Variants in NLK observed in about 807,000 individuals in gnomAD.
NLK encodes nemo like kinase.
A neutral mutation model predicts 59.0 loss-of-function variants in NLK; 11 were observed. The ratio of observed to expected loss-of-function variants is 0.19; its 90% CI spans 0.12 to 0.31. NLK has a LOEUF of 0.31. Among genes scored for constraint, NLK ranks in the 10% least tolerant of loss-of-function variants. The probability of loss-of-function intolerance (pLI) is 1.00; values close to 1 mark genes in which losing one functional copy is unlikely to be tolerated. For synonymous variants in NLK, 235 were observed against 235.9 expected, an observed-to-expected ratio of 1.00 and a Z score of 0.03; for missense variants, 410 against 661.1, an observed-to-expected ratio of 0.62 and a Z score of 4.16.
chr17:28,057,355 A>T (rs1434153736), intron 1 of NLK, among the ~76,000 whole-genome samples: 1 of 152,248 alleles, frequency 6.6e-6, no homozygotes, highest in East Asian at 1.9e-4. Context: ...TCACTGCATC[A>T]ACTCACTGTT....
chr17:28,203,388 A>C, the NLK span, among the ~76,000 whole-genome samples: 1 of 152,098 alleles, frequency 6.6e-6, no homozygotes. Context: ...TAATGCTACC[A>C]TCACCACTGT....
intron 3 of NLK, among the ~76,000 whole-genome samples, chr17:28,153,914 G>A (rs1237554178): frequency 6.6e-6 from 1 of 152,138 alleles, no homozygotes; most frequent in East Asian, 1.9e-4. Flanking sequence ...TGTCACCCTA[G>A]TAGAAAATTG....
chr17:28,089,783 T>C (rs1440187540), intron 1 of NLK, among the ~76,000 whole-genome samples: 3 of 152,198 alleles, frequency 2.0e-5, no homozygotes, highest in East Asian at 3.8e-4. Flanking sequence ...GTGTTACTTG[T>C]GGTTATAATT....
At chr17:28,193,792 AT>A (rs1434018372) in intron 10 of NLK, among the ~76,000 whole-genome samples, 9 of 151,978 alleles carry the variant, frequency 5.9e-5, no homozygotes, top group African/African-American at 2.2e-4. Context: ...TCTTCCATGT[AT>A]TTTTCTATTG....
At chr17:28,170,820 T>C (rs1002612747) in intron 6 of NLK, among the ~76,000 whole-genome samples, 6 of 152,204 alleles carry the variant, frequency 3.9e-5, no homozygotes, top group Non-Finnish European at 8.8e-5. Context: ...AGTTCAGATA[T>C]CCCTTTGCTA....
intron 2 of NLK, among the ~76,000 whole-genome samples, chr17:28,124,460 A>C (rs1252834806): frequency 6.6e-6 from 1 of 152,026 alleles, no homozygotes; most frequent in Non-Finnish European, 1.5e-5. Flanking sequence ...CCAGGAGTTC[A>C]AGGTTGCAGT....
intron 1 of NLK, among the ~76,000 whole-genome samples, chr17:28,110,059 T>G (rs753724972): frequency 1.3e-5 from 2 of 152,248 alleles, no homozygotes; most frequent in Non-Finnish European, 2.9e-5. Flanking sequence ...AAGTGTTCCC[T>G]TATTTAAATC....
At chr17:28,186,566 A>G (rs564479944) in intron 8 of NLK, among the ~76,000 whole-genome samples, 1 of 152,348 alleles carries the variant, frequency 6.6e-6, no homozygotes, top group South Asian at 2.1e-4. Flanking sequence ...TTAAAGTTCC[A>G]CATGGCTGGG....
chr17:28,073,502 C>T (rs948477645), intron 1 of NLK, among the ~76,000 whole-genome samples: 2 of 152,172 alleles, frequency 1.3e-5, no homozygotes, highest in African/African-American at 4.8e-5. Flanking sequence ...TTCTTTGCTT[C>T]CCTCTCAAGG....
intron 10 of NLK, among the ~76,000 whole-genome samples, chr17:28,192,673 A>C (rs1486851025): frequency 1.3e-5 from 2 of 152,092 alleles, no homozygotes; most frequent in Non-Finnish European, 2.9e-5. Flanking sequence ...CATCTCAAAA[A>C]AAAAAACAAA....
intron 1 of NLK, among the ~76,000 whole-genome samples, chr17:28,080,712 G>A (rs1313225206): frequency 6.6e-6 from 1 of 152,188 alleles, no homozygotes; most frequent in Non-Finnish European, 1.5e-5. Context: ...TAGCAGATCA[G>A]CTTAGTGCAT....
intron 3 of NLK, among the ~76,000 whole-genome samples, chr17:28,147,522 C>T (rs1907305294): frequency 6.6e-6 from 1 of 152,130 alleles, no homozygotes; most frequent in Non-Finnish European, 1.5e-5. Flanking sequence ...TTAATTGGAG[C>T]AAGAGGTCAG....
chr17:28,134,307 A>G (rs1169232644), intron 3 of NLK, among the ~76,000 whole-genome samples: 2 of 152,120 alleles, frequency 1.3e-5, no homozygotes, highest in African/African-American at 4.8e-5. Context: ...AGGCTGAGGC[A>G]GAAGGATCAG....
intron 1 of NLK, among the ~76,000 whole-genome samples, chr17:28,075,839 A>G (rs567011200): frequency 6.6e-6 from 1 of 151,970 alleles, no homozygotes; most frequent in East Asian, 1.9e-4. Flanking sequence ...GCACCCTTTA[A>G]TCTTACACTG....
rs149400814 is a variant in NLK, at chr17:28,122,639, G to A, written c.495G>A (p.Ala165=). 19 of 1,613,692 alleles carry A rather than the reference G, an allele frequency of 1.2e-5. No homozygotes were observed. Among genetic ancestry groups the A allele is most frequent in the Admixed American group, 5.0e-5 (3 of 60,002 alleles). The stretch of plus-strand genomic sequence containing the variant: ...ATCCAAGAGATGGAAAGAGAGTAGC[G>A]CTCAAAAAGATGCCCAACGTCTTCC... ...VTDPRDGKRV[A]LKKMPNVFQN... is the part of the protein sequence containing the mutation. Residue 165 remains alanine (A), a synonymous_variant, in exon 2 of 11, where the codon GCG becomes GCA. Coordinates refer to ENST00000407008, the MANE Select transcript of NLK (RefSeq NM_016231.5).
At chr17:28,061,921 ACATATATATATATATTT>A (rs1909669611) in intron 1 of NLK, 1 of 141,208 alleles carries the variant, frequency 7.1e-6, no homozygotes, top group South Asian at 2.2e-4. Context: ...ACATATATAT[ACATATATATATATATTT>A]TTTTTTTTTT....
At chr17:28,071,872 GT>G (rs1201371693) in intron 1 of NLK, among the ~76,000 whole-genome samples, 1 of 152,210 alleles carries the variant, frequency 6.6e-6, no homozygotes, top group African/African-American at 2.4e-5. Context: ...TCAGCATGCA[GT>G]TTACTCTTCT....
chr17:28,164,514 A>G (rs1334104431), intron 5 of NLK, among the ~76,000 whole-genome samples: 1 of 152,228 alleles, frequency 6.6e-6, no homozygotes, highest in East Asian at 1.9e-4. Flanking sequence ...TAGTAGTTCC[A>G]AAATTTCAAG....
chr17:28,164,902 G>A (rs1298165629), intron 5 of NLK, among the ~76,000 whole-genome samples: 1 of 151,994 alleles, frequency 6.6e-6, no homozygotes, highest in Non-Finnish European at 1.5e-5. Flanking sequence ...TTGAAAAGCT[G>A]GTGGATTATA....
Sources: gnomAD v4.1 joint callset for allele counts (sites outside exome capture counted in the v4.1 genomes callset) on GRCh38, gnomAD v4.1.1 for gene constraint, MANE v1.5 for transcripts, NCBI Gene and HGNC (gene_info 2026-07-23, HGNC 2026-07-21) for gene names.